The following EDEM2 variants were observed in gnomAD, a reference collection of about 807,000 sequenced individuals.
EDEM2 encodes the protein ER degradation enhancing alpha-mannosidase like protein 2, also known as ER degradation-enhancing alpha-mannosidase-like protein 2.
EDEM2 carries 39 observed loss-of-function variants against 64.8 expected under a neutral mutation model. That is an observed-to-expected ratio of 0.60 (90% confidence interval 0.47 to 0.79). EDEM2 has a LOEUF of 0.79. Among genes scored for constraint, EDEM2 ranks in the 30% least tolerant of loss-of-function variants. The probability of loss-of-function intolerance (pLI) is 0.00; values close to 1 mark genes in which losing one functional copy is unlikely to be tolerated. For missense variants in EDEM2, 609 were observed against 731.3 expected (o/e 0.83, Z 1.93); for synonymous variants, 296 against 291.5 (o/e 1.02, Z -0.16).
chr20:35,131,910 C>G, intron 6 of EDEM2, 127 bp from the exon 7 acceptor site: 1 of 1,152,686 alleles, frequency 8.7e-7, no homozygotes, highest in Non-Finnish European at 1.2e-6. Context: ...GGGAAACATG[C>G]AGACCCTGAG....
chr20:35,144,654 T>G (rs540213049), intron 3 of EDEM2, among the ~76,000 whole-genome samples: 12 of 152,296 alleles, frequency 7.9e-5, no homozygotes, highest in Admixed American at 3.9e-4. Flanking sequence ...TTATTATCAT[T>G]GAACATGGCC....
intron 3 of EDEM2, among the ~76,000 whole-genome samples, chr20:35,143,402 A>G (rs2085684698): frequency 6.6e-6 from 1 of 152,230 alleles, no homozygotes; most frequent in African/African-American, 2.4e-5. Context: ...ATGTGAGACC[A>G]TGACGTACTA....
At chr20:35,131,539 C>T in intron 7 of EDEM2, 103 bp downstream of exon 7, 1 of 1,428,802 alleles carries the variant, frequency 7.0e-7, no homozygotes, top group Non-Finnish European at 9.5e-7. Flanking sequence ...GCACTCCAGC[C>T]TGGGAGATGG....
intron 3 of EDEM2, 105 bp downstream of exon 3, chr20:35,144,874 G>T: frequency 7.6e-7 from 1 of 1,310,088 alleles, no homozygotes; most frequent in Non-Finnish European, 1.1e-6. Context: ...GCAAATAAAA[G>T]GCCTAGGAGA....
chr20:35,142,522 T>A, intron 3 of EDEM2, 44 bp from the exon 4 acceptor site: 1 of 1,449,186 alleles, frequency 6.9e-7, no homozygotes, highest in Non-Finnish European at 9.6e-7. Flanking sequence ...CTTACATGCA[T>A]GGAGGCAGAT....
chr20:35,123,713 T>C (rs1482560982), intron 9 of EDEM2, among the ~76,000 whole-genome samples, 177 bp downstream of exon 9: 1 of 152,134 alleles, frequency 6.6e-6, no homozygotes, highest in African/African-American at 2.4e-5. Flanking sequence ...AGTTTCCATA[T>C]CTGAAAACAT....
At chr20:35,140,144 T>C (rs2085632638) in intron 4 of EDEM2, among the ~76,000 whole-genome samples, 1 of 152,104 alleles carries the variant, frequency 6.6e-6, no homozygotes, top group Non-Finnish European at 1.5e-5. Context: ...CTAAAGGAAA[T>C]ACTTTAGAGA....
intron 4 of EDEM2, among the ~76,000 whole-genome samples, chr20:35,139,629 G>A (rs1157008024): frequency 6.1e-5 from 9 of 148,386 alleles, no homozygotes; most frequent in African/African-American, 1.5e-4. Context: ...CAGCCTGGGC[G>A]ACAGAGCGAG....
intron 9 of EDEM2, 63 bp downstream of exon 9, chr20:35,123,827 G>A: frequency 6.3e-7 from 1 of 1,582,852 alleles, no homozygotes; most frequent in Non-Finnish European, 8.6e-7. Context: ...GCCTTGTAGA[G>A]GGGATTTGGG....
Position 35,115,549 on chromosome 20 carries a change from C to T in EDEM2, c.1621G>A (p.Asp541Asn), listed in dbSNP as rs761515912. The change falls in exon 11 of 11, where the codon GAC becomes AAC. Residue 541 changes from aspartate to asparagine, a missense_variant. Physicochemically the swap from Asp to Asn is conservative, Grantham distance 23. Coordinates refer to ENST00000374492, the MANE Select transcript of EDEM2 (RefSeq NM_018217.3). ...PGTLFSPENH[D>N]QARERKPAKQ... is the part of the protein sequence containing the mutation. ...GCAGGCTTCCTCTCCCTTGCCTGGT[C>T]ATGGTTTTCTGGTGAGAAGAGTGTT... 6.2e-7 allele frequency: 1 copy of T among 1,614,158 alleles called. No individual in the cohort carries two copies. Among genetic ancestry groups the T allele is most frequent in the East Asian group, 2.2e-5 (1 of 44,894 alleles).
At chr20:35,142,526 G>A (rs754249409) in intron 3 of EDEM2, 48 bp from the exon 4 acceptor site, 17 of 1,419,382 alleles carry the variant, frequency 1.2e-5, no homozygotes, top group Non-Finnish European at 1.6e-5. Flanking sequence ...CATGCATGGA[G>A]GCAGATTCAG....
chr20:35,128,201 T>C (rs1464537670), intron 7 of EDEM2, among the ~76,000 whole-genome samples: 1 of 151,896 alleles, frequency 6.6e-6, no homozygotes, highest in Non-Finnish European at 1.5e-5. Context: ...CCTAACACGG[T>C]GAAACCCCAT....
chr20:35,145,230 T>C (rs984396194), intron 2 of EDEM2, among the ~76,000 whole-genome samples: 8 of 152,222 alleles, frequency 5.3e-5, no homozygotes, highest in African/African-American at 1.9e-4. Context: ...TGTAGCTCAA[T>C]TGTAATTAAA....
At position 35,123,914 on chromosome 20, in the gene EDEM2, G is replaced by A. The variant is rs1410038978; in HGVS notation, c.1090C>T (p.Arg364Ter). The A allele has an allele frequency of 9.3e-6, 15 of 1,613,946 alleles. No individual in the cohort carries two copies. The highest frequency in any genetic ancestry group is 2.7e-5 in the African/African-American group (2 of 74,914). The change falls in exon 9 of 11, where the codon CGA becomes TGA. Residue 364 changes from arginine to a stop codon, truncating the protein, a stop_gained. Coordinates refer to ENST00000374492, the MANE Select transcript of EDEM2 (RefSeq NM_018217.3). LOFTEE classifies it high-confidence loss of function. ...NIPQGYTVEK[R>*]EGYPLRPELI... ...CCTGGCCGAAGTGGGTAGCCCTCTC[G>A]CTTCTCCACTGTGTATCCCTGAGGA...
intron 7 of EDEM2, among the ~76,000 whole-genome samples, chr20:35,129,548 G>A (rs1000977504): frequency 2.2e-4 from 33 of 149,280 alleles, no homozygotes; most frequent in Admixed American, 1.5e-3. Context: ...TCCAGCCTGG[G>A]CAACAGAGCA....
intron 4 of EDEM2, among the ~76,000 whole-genome samples, 200 bp from the exon 5 acceptor site, chr20:35,138,205 G>A (rs1182110382): frequency 2.0e-5 from 3 of 152,222 alleles, no homozygotes; most frequent in African/African-American, 7.2e-5. Flanking sequence ...AGGAGCTAGA[G>A]CCACCCAGCG....
rs2085303528 is a variant in EDEM2, at chr20:35,115,871, A to G, written c.1299T>C (p.Thr433=). The change falls in exon 11 of 11, where the codon ACT becomes ACC. Residue 433 remains threonine (T), a synonymous_variant. Coordinates refer to ENST00000374492, the MANE Select transcript of EDEM2 (RefSeq NM_018217.3). Reference sequence around the variant, plus strand: ...CAAACAGGAGGTAGAGGTATTTCACAGTCTCGGCCAGGAAGAACGACTCCA... The same window carrying G: ...CAAACAGGAGGTAGAGGTATTTCACGGTCTCGGCCAGGAAGAACGACTCCA... ...NRMESFFLAE[T]VKYLYLLFDP... The G allele has an allele frequency of 6.2e-7, 1 of 1,613,896 alleles. No individual in the cohort carries two copies. Among genetic ancestry groups the G allele is most frequent in the South Asian group, 1.1e-5 (1 of 91,078 alleles).
chr20:35,115,373 CA>C lies in EDEM2; in HGVS notation c.*59del. ...AACATGATAACCAAAATATGATAGC[CA>C]AAAGCAATTTATTATAGTTTAGCCT... On this transcript the variant is annotated 3_prime_UTR_variant, in exon 11 of 11. Coordinates refer to ENST00000374492, the MANE Select transcript of EDEM2 (RefSeq NM_018217.3). 1 of 1,533,448 alleles carries C rather than the reference CA, an allele frequency of 6.5e-7. No homozygotes were observed. Among genetic ancestry groups the C allele is most frequent in the Non-Finnish European group, 8.7e-7 (1 of 1,143,322 alleles). The allele number at this position is 1,533,448 out of a possible 1,614,324, so 95.0% of individuals were successfully genotyped here. A position where few individuals can be genotyped will look rare whatever the true frequency, so the allele number is the denominator to read the frequency against.
intron 4 of EDEM2, 90 bp from the exon 5 acceptor site, chr20:35,138,095 ACT>A: frequency 1.3e-6 from 2 of 1,523,206 alleles, no homozygotes; most frequent in African/African-American, 2.8e-5. Flanking sequence ...AAACATAAAC[ACT>A]CTATTGTGGG....
Sources: allele counts gnomAD v4.1 joint callset (sites outside exome capture counted in the v4.1 genomes callset), GRCh38; gene constraint gnomAD v4.1.1; transcripts MANE v1.5; gene names NCBI Gene and HGNC (gene_info 2026-07-23, HGNC 2026-07-21).